Variants in LYPD6 observed in about 807,000 individuals in gnomAD.
LYPD6 encodes ly6/PLAUR domain-containing protein 6.
A neutral mutation model predicts 22.7 loss-of-function variants in LYPD6; 15 were observed. That is an observed-to-expected ratio of 0.66 (90% CI 0.44 to 1.02). The LOEUF is 1.02. Ranked by LOEUF, LYPD6 falls within the 50% of genes least tolerant of loss-of-function variation. The pLI, the probability that LYPD6 is intolerant of heterozygous loss-of-function variation, is 0.00. For missense variants in LYPD6, 189 were observed against 208.4 expected (o/e 0.91, Z 0.57); for synonymous variants, 72 against 77.5 (o/e 0.93, Z 0.37).
intron 1 of LYPD6, among the ~76,000 whole-genome samples, chr2:149,374,179 G>A (rs892200961): frequency 2.0e-5 from 3 of 152,172 alleles, no homozygotes; most frequent in Non-Finnish European, 2.9e-5. Flanking sequence ...AGAAACCAGG[G>A]CAGGGAAGGC....
At chr2:149,377,035 A>G (rs1488870306) in intron 1 of LYPD6, among the ~76,000 whole-genome samples, 1 of 152,238 alleles carries the variant, frequency 6.6e-6, no homozygotes, top group Admixed American at 6.5e-5. Flanking sequence ...GGTTATACAT[A>G]TATGAGCCAT....
upstream of LYPD6, chr2:149,330,566 C>A (rs1431151319): frequency 2.0e-5 from 3 of 150,906 alleles, no homozygotes; most frequent in African/African-American, 7.3e-5. Flanking sequence ...AGCCGCCCCC[C>A]GCCTCTCCCC....
intron 1 of LYPD6, among the ~76,000 whole-genome samples, chr2:149,388,644 G>C (rs1682242029): frequency 6.6e-6 from 1 of 151,934 alleles, no homozygotes; most frequent in Non-Finnish European, 1.5e-5. Flanking sequence ...GAAGGTGGGG[G>C]TTGTGGTGGG....
intron 4 of LYPD6, among the ~76,000 whole-genome samples, chr2:149,469,600 C>T (rs992551651): frequency 6.6e-6 from 1 of 152,146 alleles, no homozygotes; most frequent in African/African-American, 2.4e-5. Flanking sequence ...CAAGCAACCT[C>T]TTGAATACAC....
At chr2:149,377,776 TC>T (rs1477609355) in intron 1 of LYPD6, among the ~76,000 whole-genome samples, 10 of 61,978 alleles carry the variant, frequency 1.6e-4, no homozygotes, top group Non-Finnish European at 2.3e-4. Flanking sequence ...CGAGACTTTG[TC>T]CCCACCCCCC....
chr2:149,446,573 C>T (rs564844137), intron 2 of LYPD6, among the ~76,000 whole-genome samples: 1 of 152,050 alleles, frequency 6.6e-6, no homozygotes, highest in South Asian at 2.1e-4. Flanking sequence ...TGACATTTTC[C>T]CCCTATTAAA....
At chr2:149,340,282 T>A (rs542035156) in intron 1 of LYPD6, among the ~76,000 whole-genome samples, 4 of 152,292 alleles carry the variant, frequency 2.6e-5, no homozygotes, top group African/African-American at 9.6e-5. Context: ...ACATGTTACT[T>A]AAATTTCTAT....
chr2:149,364,293 A>C (rs1445418465), intron 1 of LYPD6, among the ~76,000 whole-genome samples: 1 of 152,124 alleles, frequency 6.6e-6, no homozygotes, highest in African/African-American at 2.4e-5. Flanking sequence ...CTGCAATGTT[A>C]CTTATTCCTT....
intron 1 of LYPD6, among the ~76,000 whole-genome samples, chr2:149,348,415 C>T (rs1681299587): frequency 6.6e-6 from 1 of 152,130 alleles, no homozygotes; most frequent in East Asian, 1.9e-4. Flanking sequence ...GCAGCTGGTA[C>T]CTTTAACTGT....
intron 1 of LYPD6, among the ~76,000 whole-genome samples, chr2:149,415,507 C>G (rs140372847): frequency 2.6e-5 from 4 of 151,988 alleles, no homozygotes; most frequent in African/African-American, 7.2e-5. Flanking sequence ...AGCAACTGAC[C>G]GGGAGAAATA....
At chr2:149,394,164 G>A (rs751473891) in intron 1 of LYPD6, among the ~76,000 whole-genome samples, 1 of 152,110 alleles carries the variant, frequency 6.6e-6, no homozygotes, top group Non-Finnish European at 1.5e-5. Context: ...CAATGATGTC[G>A]TCTCCTGTTG....
downstream of LYPD6, among the ~76,000 whole-genome samples, chr2:149,476,774 C>T (rs561730685): frequency 3.3e-5 from 5 of 152,278 alleles, no homozygotes; most frequent in African/African-American, 7.2e-5. Flanking sequence ...AATTTGCACC[C>T]GGAGTCTGAG....
chr2:149,413,949 G>C (rs915000088), intron 1 of LYPD6, among the ~76,000 whole-genome samples: 18 of 152,320 alleles, frequency 1.2e-4, no homozygotes, highest in Non-Finnish European at 2.1e-4. Context: ...TTGAAAATGT[G>C]CATAAGTTAG....
At chr2:149,379,292 G>A (rs1682006282) in intron 1 of LYPD6, among the ~76,000 whole-genome samples, 1 of 152,262 alleles carries the variant, frequency 6.6e-6, no homozygotes, top group African/African-American at 2.4e-5. Flanking sequence ...AGCAGAGATG[G>A]CTCAGAAACC....
At chr2:149,484,285 G>A in the LYPD6 span, among the ~76,000 whole-genome samples, 2 of 152,142 alleles carry the variant, frequency 1.3e-5, no homozygotes, top group Non-Finnish European at 2.9e-5. Context: ...TCCCTATCCT[G>A]TACCTTATTG....
chr2:149,334,182 A>C (rs1680990490), intron 1 of LYPD6, among the ~76,000 whole-genome samples: 1 of 152,214 alleles, frequency 6.6e-6, no homozygotes, highest in African/African-American at 2.4e-5. Context: ...GGGTCAGTTT[A>C]TTAAATTGAC....
At chr2:149,368,166 A>G (rs548614314) in intron 1 of LYPD6, 1 of 152,374 alleles carries the variant, frequency 6.6e-6, no homozygotes, top group East Asian at 1.9e-4. Flanking sequence ...GTGGGTGAGT[A>G]TTAGACATCA....
intron 1 of LYPD6, among the ~76,000 whole-genome samples, chr2:149,412,657 G>A (rs1573786225): frequency 1.3e-5 from 2 of 152,210 alleles, no homozygotes; most frequent in Non-Finnish European, 2.9e-5. Context: ...TGTCTCTGCT[G>A]TCTATATCCA....
At chr2:149,432,748 A>G (rs1373700365) in intron 1 of LYPD6, among the ~76,000 whole-genome samples, 1 of 152,084 alleles carries the variant, frequency 6.6e-6, no homozygotes, top group African/African-American at 2.4e-5. Flanking sequence ...TTAGGCTTGC[A>G]TCTTCCAAAT....
Sources: allele counts gnomAD v4.1 joint callset (sites outside exome capture counted in the v4.1 genomes callset), GRCh38; gene constraint gnomAD v4.1.1; transcripts MANE v1.5; gene names NCBI Gene and HGNC (gene_info 2026-07-23, HGNC 2026-07-21).